Variants in NTN4 observed in about 807,000 individuals in gnomAD.
The protein encoded by NTN4 is netrin-4.
In NTN4, 32 loss-of-function variants were observed where a neutral mutation model predicts 73.6. That is an observed-to-expected ratio of 0.44 (90% confidence interval 0.33 to 0.58). The LOEUF is 0.58. Among genes scored for constraint, NTN4 ranks in the 20% least tolerant of loss-of-function variants. NTN4 has a pLI of 0.04. For synonymous variants in NTN4, 258 were observed against 287.5 expected (o/e 0.90, Z 1.04); for missense variants, 654 against 798.3 (o/e 0.82, Z 2.18).
At chr12:95,675,419 C>T (rs1053801397) in intron 7 of NTN4, among the ~76,000 whole-genome samples, 2 of 152,052 alleles carry the variant, frequency 1.3e-5, no homozygotes, top group Middle Eastern at 3.2e-3. Flanking sequence ...ATTTAGGTGG[C>T]GGGTATGTGA....
intron 2 of NTN4, among the ~76,000 whole-genome samples, chr12:95,767,597 G>A (rs1455921607): frequency 6.6e-6 from 1 of 152,138 alleles, no homozygotes; most frequent in Non-Finnish European, 1.5e-5. Context: ...AGTGTCATAA[G>A]GCAGTTGTTT....
Position 95,756,474 on chromosome 12 carries a change from A to G in NTN4, c.586-18330T>C, listed in dbSNP as rs1050062689. Among the ~76,000 whole-genome samples the G allele has an allele frequency of 7.9e-5, 12 of 152,118 alleles. No individual in the cohort carries two copies. The East Asian group carries it at 1.7e-3, about 22-fold the overall frequency. ...TTGGGAACCTGCCTTGTTTTTGTCA[A>G]TCTCCCTTCTTTGGGACTGAGTCCT... On this transcript the variant is annotated intron_variant, in intron 2 of 9. Coordinates refer to ENST00000343702, the MANE Select transcript of NTN4 (RefSeq NM_021229.4).
chr12:95,745,541 A>G (rs900388248), intron 2 of NTN4, among the ~76,000 whole-genome samples: 2 of 152,130 alleles, frequency 1.3e-5, no homozygotes, highest in African/African-American at 4.8e-5. Context: ...AATGTGCTCC[A>G]TCTTTCTTCC....
At chr12:95,731,423 G>A (rs2078736303) in intron 3 of NTN4, among the ~76,000 whole-genome samples, 2 of 152,064 alleles carry the variant, frequency 1.3e-5, no homozygotes, top group African/African-American at 2.4e-5. Flanking sequence ...AAAATTAGCC[G>A]GGTGTGGTAG....
chr12:95,724,010 CAT>C (rs2078670699), intron 3 of NTN4, among the ~76,000 whole-genome samples: 1 of 152,064 alleles, frequency 6.6e-6, no homozygotes, highest in Non-Finnish European at 1.5e-5. Flanking sequence ...TTACCCTTCA[CAT>C]GTTACCTAGA....
intron 5 of NTN4, among the ~76,000 whole-genome samples, chr12:95,700,411 T>A (rs1382877788): frequency 6.6e-6 from 1 of 152,110 alleles, no homozygotes; most frequent in East Asian, 1.9e-4. Flanking sequence ...CCGGACGCCC[T>A]GTTGGAGATT....
chr12:95,756,988 T>C (rs1456958015), intron 2 of NTN4, among the ~76,000 whole-genome samples: 7 of 152,276 alleles, frequency 4.6e-5, no homozygotes, highest in African/African-American at 1.7e-4. Context: ...TCCCTGTTCC[T>C]TCTATGTGCT....
In NTN4 at chr12:95,657,922, A is replaced by C. The variant is rs2078104132; in HGVS notation, c.*1164T>G. 1 of 152,636 alleles carries C rather than the reference A, an allele frequency of 6.6e-6. No homozygotes were observed. The highest frequency in any genetic ancestry group is 2.1e-4 in the South Asian group (1 of 4,836). The allele number at this position is 152,636 out of a possible 1,614,324, so 9.5% of individuals were successfully genotyped here. On this transcript the variant is annotated 3_prime_UTR_variant, in exon 10 of 10. Coordinates refer to ENST00000343702, the MANE Select transcript of NTN4 (RefSeq NM_021229.4). ...GAGAAAAAAAGGTTCTGTATGTGAA[A>C]TTATTCATATGGCACTGTGTTCATG...
At chr12:95,727,378 T>C (rs2078703016) in intron 3 of NTN4, among the ~76,000 whole-genome samples, 2 of 152,224 alleles carry the variant, frequency 1.3e-5, no homozygotes, top group Non-Finnish European at 2.9e-5. Flanking sequence ...ATTCTGTGCA[T>C]TGTCTTTTCA....
intron 2 of NTN4, among the ~76,000 whole-genome samples, chr12:95,747,337 CT>C (rs958049175): frequency 1.3e-5 from 2 of 148,462 alleles, no homozygotes; most frequent in Admixed American, 6.6e-5. Context: ...GTATTGTTTT[CT>C]TTTTTTTTCA....
chr12:95,717,863 C>G (rs891958740), intron 3 of NTN4, among the ~76,000 whole-genome samples: 1 of 151,962 alleles, frequency 6.6e-6, no homozygotes, highest in African/African-American at 2.4e-5. Flanking sequence ...TTCTAATGAC[C>G]CAAGAGGTGA....
Position 95,790,311 on chromosome 12 carries a change from G to A in NTN4, c.-2C>T. On this transcript the variant is annotated 5_prime_UTR_variant, in exon 1 of 10. Coordinates refer to ENST00000343702, the MANE Select transcript of NTN4 (RefSeq NM_021229.4). This position sits in a 1 kb window ranked among gnomAD's most constrained non-coding sequence, Gnocchi z 6.5. Reference sequence around the variant, plus strand: ...CAGCAGCCGCGCGCAGCTCCCCATGGCCGGGAGGAGCCGGGAGCAGCCGGG... The same window carrying A: ...CAGCAGCCGCGCGCAGCTCCCCATGACCGGGAGGAGCCGGGAGCAGCCGGG... The A allele has an allele frequency of 2.0e-6, 3 of 1,526,534 alleles. No individual in the cohort carries two copies. Among genetic ancestry groups the A allele is most frequent in the Non-Finnish European group, 8.8e-7 (1 of 1,138,584 alleles). 94.6% of individuals were successfully genotyped at this position (1,526,534 alleles called of 1,614,324 possible). A position where few individuals can be genotyped will look rare whatever the true frequency, so the allele number is the denominator to read the frequency against.
chr12:95,663,882 A>G (rs2078157961), intron 9 of NTN4, among the ~76,000 whole-genome samples: 1 of 152,138 alleles, frequency 6.6e-6, no homozygotes, highest in African/African-American at 2.4e-5. Context: ...TGTCTCACTA[A>G]ACTGGGCAGA....
chr12:95,761,326 C>T (rs375435567), intron 2 of NTN4, among the ~76,000 whole-genome samples: 7 of 133,168 alleles, frequency 5.3e-5, no homozygotes, highest in East Asian at 2.3e-4. Context: ...AAGAGATATT[C>T]TTTTTTTTTT....
rs557109457 is a variant in NTN4 at position 95,781,418 on chromosome 12, A to G, written c.585+5521T>C. ...CATAGTCCTTGTCACTGTCCATTCT[A>G]TCAAACACAAATCCTTCAATCTGTT... On this transcript the variant is annotated intron_variant, in intron 2 of 9. Coordinates refer to ENST00000343702, the MANE Select transcript of NTN4 (RefSeq NM_021229.4). This position sits in a 1 kb window ranked among gnomAD's most constrained non-coding sequence, Gnocchi z 4.1. Among the ~76,000 whole-genome samples, 7 of 152,336 alleles carry G rather than the reference A, an allele frequency of 4.6e-5. No homozygotes were observed. The highest frequency in any genetic ancestry group is 1.9e-4 in the East Asian group (1 of 5,192).
intron 2 of NTN4, among the ~76,000 whole-genome samples, chr12:95,778,743 C>A (rs947053129): frequency 6.6e-6 from 1 of 151,500 alleles, no homozygotes; most frequent in African/African-American, 2.4e-5. Context: ...CAAGGAGGAG[C>A]TGGTACCATT....
intron 7 of NTN4, 59 bp downstream of exon 7, chr12:95,682,648 G>A (rs922539425): frequency 6.1e-6 from 7 of 1,156,538 alleles, no homozygotes; most frequent in South Asian, 2.6e-5. Flanking sequence ...GGTTTGTCAC[G>A]TATCACTGTT....
chr12:95,695,369 A>T (rs1364788048), intron 5 of NTN4, among the ~76,000 whole-genome samples: 4 of 149,476 alleles, frequency 2.7e-5, no homozygotes. Flanking sequence ...CATAGCCTTT[A>T]TTTTATTTTA....
intron 3 of NTN4, among the ~76,000 whole-genome samples, chr12:95,720,214 T>A (rs1214639490): frequency 6.6e-6 from 1 of 152,138 alleles, no homozygotes; most frequent in African/African-American, 2.4e-5. Context: ...CAGCAGAGAT[T>A]ATAATCATGT....
Sources: allele counts gnomAD v4.1 joint callset (sites outside exome capture counted in the v4.1 genomes callset), GRCh38; gene constraint gnomAD v4.1.1; non-coding constraint Gnocchi (gnomAD v3.1); transcripts MANE v1.5; gene names NCBI Gene and HGNC (gene_info 2026-07-23, HGNC 2026-07-21).